SDK1: variants seen among roughly 807,000 people sequenced by gnomAD.
The protein encoded by SDK1 is protein sidekick-1.
Under a neutral mutation model 245.5 loss-of-function variants are expected in SDK1, and 157 were observed. The ratio of observed to expected loss-of-function variants is 0.64; its 90% confidence interval spans 0.56 to 0.73. The LOEUF (loss-of-function observed/expected upper bound fraction) is 0.73, where lower values mean the gene tolerates loss of function less well. Ranked by LOEUF, SDK1 falls within the 30% of genes least tolerant of loss-of-function variation. The pLI is 0.00. For missense variants in SDK1, 3,583 were observed against 3,002.3 expected (o/e 1.19, Z -4.52); for synonymous variants, 1,647 against 1,278.5 (o/e 1.29, Z -6.15).
chr7:3,871,060 G>A (rs1014179682), intron 5 of SDK1, among the ~76,000 whole-genome samples: 1 of 151,936 alleles, frequency 6.6e-6, no homozygotes, highest in African/African-American at 2.4e-5. Context: ...GTTTATTTCG[G>A]TCATCTGATC....
At chr7:3,957,951 C>T in intron 7 of SDK1, 1 of 470,528 alleles carries the variant, frequency 2.1e-6, no homozygotes, top group Non-Finnish European at 4.4e-6. Context: ...TGAAACATCA[C>T]TTTGCCTCCT....
At chr7:3,532,396 C>A (rs4722903) in intron 1 of SDK1, among the ~76,000 whole-genome samples, 32,747 of 152,046 alleles carry the variant, frequency 0.22, 3,874 homozygotes, top group South Asian at 0.37. Context: ...CTGGCTTTGG[C>A]GCTTTGCTCT....
chr7:4,181,833 C>T (rs777277810), intron 35 of SDK1, among the ~76,000 whole-genome samples: 29 of 152,340 alleles, frequency 1.9e-4, no homozygotes, highest in South Asian at 1.2e-3. Context: ...TCAGCAGAGC[C>T]GGTTCCCACA....
At chr7:3,435,732 A>G in intron 1 of SDK1, among the ~76,000 whole-genome samples, 1 of 152,020 alleles carries the variant, frequency 6.6e-6, no homozygotes, top group South Asian at 2.1e-4. Flanking sequence ...ACCTAAGTCC[A>G]ACTCCCACTG....
At chr7:3,664,316 G>C (rs1195007635) in intron 4 of SDK1, among the ~76,000 whole-genome samples, 1 of 152,100 alleles carries the variant, frequency 6.6e-6, no homozygotes, top group Non-Finnish European at 1.5e-5. Context: ...CCACAACTCA[G>C]GGCAACTCCA....
At chr7:3,893,055 A>T (rs1781500917) in intron 5 of SDK1, among the ~76,000 whole-genome samples, 1 of 152,164 alleles carries the variant, frequency 6.6e-6, no homozygotes, top group African/African-American at 2.4e-5. Context: ...GCCGTTTACC[A>T]GGTGTGGGTC....
intron 4 of SDK1, among the ~76,000 whole-genome samples, chr7:3,787,189 C>G (rs1289125517): frequency 6.7e-6 from 1 of 149,792 alleles, no homozygotes; most frequent in Non-Finnish European, 1.5e-5. Context: ...CACACACACT[C>G]CCATACAGAA....
At chr7:3,558,798 A>C (rs1231164988) in intron 1 of SDK1, among the ~76,000 whole-genome samples, 2 of 152,252 alleles carry the variant, frequency 1.3e-5, no homozygotes, top group Non-Finnish European at 2.9e-5. Context: ...CTCCTCTGCT[A>C]ATGACAAGGC....
At chr7:3,803,095 G>A (rs1419685705) in intron 4 of SDK1, among the ~76,000 whole-genome samples, 6 of 152,124 alleles carry the variant, frequency 3.9e-5, no homozygotes, top group Non-Finnish European at 7.3e-5. Context: ...AGCAACATAT[G>A]AGAGCTCCAG....
chr7:4,060,347 G>C (rs563683316), intron 19 of SDK1, among the ~76,000 whole-genome samples: 1 of 152,112 alleles, frequency 6.6e-6, no homozygotes, highest in African/African-American at 2.4e-5. Context: ...CCCAAAATTA[G>C]TAGAAGGAAA....
chr7:4,072,968 T>C (rs978649438), intron 20 of SDK1, among the ~76,000 whole-genome samples: 2 of 152,262 alleles, frequency 1.3e-5, no homozygotes, highest in Non-Finnish European at 2.9e-5. Flanking sequence ...TCTCCTTCAG[T>C]AAACTCTGAT....
chr7:3,505,878 A>G (rs1428388156), intron 1 of SDK1, among the ~76,000 whole-genome samples: 1 of 152,182 alleles, frequency 6.6e-6, no homozygotes, highest in Non-Finnish European at 1.5e-5. Context: ...TTTGAATACC[A>G]AGGGAAGACT....
chr7:3,355,639 C>T (rs1780772029), intron 1 of SDK1, among the ~76,000 whole-genome samples: 1 of 152,204 alleles, frequency 6.6e-6, no homozygotes, highest in Non-Finnish European at 1.5e-5. Flanking sequence ...TAGAAGCCAT[C>T]ACTGGGAATA....
chr7:4,077,503 A>C (rs1303240315), intron 21 of SDK1, among the ~76,000 whole-genome samples: 1 of 152,178 alleles, frequency 6.6e-6, no homozygotes, highest in Non-Finnish European at 1.5e-5. Flanking sequence ...TACTTTCAAA[A>C]CAGTAGCGAT....
intron 4 of SDK1, among the ~76,000 whole-genome samples, chr7:3,663,927 G>C (rs1336241882): frequency 6.6e-6 from 1 of 152,190 alleles, no homozygotes; most frequent in Non-Finnish European, 1.5e-5. Flanking sequence ...GTCACTGTAG[G>C]AAGAAGTTGA....
intron 2 of SDK1, among the ~76,000 whole-genome samples, chr7:3,634,947 A>G (rs936349183): frequency 6.6e-5 from 10 of 152,244 alleles, no homozygotes; most frequent in African/African-American, 2.4e-4. Flanking sequence ...AGAATGAGCA[A>G]TCATATAAAT....
intron 29 of SDK1, among the ~76,000 whole-genome samples, chr7:4,147,464 T>TA (rs745910059): frequency 6.6e-6 from 1 of 152,076 alleles, no homozygotes; most frequent in African/African-American, 2.4e-5. Context: ...ATGGGGGTCT[T>TA]ACTACGTTGC....
At chr7:4,040,287 A>G (rs1021837342) in intron 17 of SDK1, among the ~76,000 whole-genome samples, 8 of 152,136 alleles carry the variant, frequency 5.3e-5, no homozygotes, top group Non-Finnish European at 8.8e-5. Flanking sequence ...CTGAGCACTT[A>G]GGTTCCCCCA....
intron 5 of SDK1, among the ~76,000 whole-genome samples, chr7:3,880,830 C>A (rs1377682093): frequency 6.6e-6 from 1 of 152,062 alleles, no homozygotes; most frequent in African/African-American, 2.4e-5. Context: ...GAACTGTGAT[C>A]TGACAGTGGA....
Sources: allele counts gnomAD v4.1 joint callset (sites outside exome capture counted in the v4.1 genomes callset), GRCh38; gene constraint gnomAD v4.1.1; transcripts MANE v1.5; gene names NCBI Gene and HGNC (gene_info 2026-07-23, HGNC 2026-07-21).